PCDHGA9: variants seen among roughly 807,000 people sequenced by gnomAD.
PCDHGA9 encodes the protein protocadherin gamma subfamily A, 9, also known as protocadherin gamma-A9.
PCDHGA9 carries 37 observed loss-of-function variants against 62.5 expected under a neutral mutation model. The observed-to-expected ratio is 0.59, with a 90% CI of 0.46 to 0.78. The LOEUF is 0.78. Among genes scored for constraint, PCDHGA9 ranks in the 30% least tolerant of loss-of-function variants. The probability of loss-of-function intolerance (pLI) is 0.00; values close to 1 mark genes in which losing one functional copy is unlikely to be tolerated. For synonymous variants in PCDHGA9, 459 were observed against 484.6 expected (o/e 0.95, Z 0.69); for missense variants, 1,138 against 1,166.2 (o/e 0.98, Z 0.35).
At chr5:141,466,279 T>A (rs1386803685) in intron 1 of PCDHGA9, among the ~76,000 whole-genome samples, 1 of 152,144 alleles carries the variant, frequency 6.6e-6, no homozygotes, top group Non-Finnish European at 1.5e-5. Flanking sequence ...CAAGCAATCT[T>A]CCCACCTCAG....
chr5:141,433,222 A>G, intron 1 of PCDHGA9: 6 of 1,519,556 alleles, frequency 3.9e-6, no homozygotes, highest in Non-Finnish European at 5.4e-6. Flanking sequence ...TTTTTTTTTA[A>G]TTGCTCTGTC....
At chr5:141,408,438 C>G (rs749271632) in intron 1 of PCDHGA9, 8 of 1,613,896 alleles carry the variant, frequency 5.0e-6, no homozygotes, top group Non-Finnish European at 5.9e-6. Flanking sequence ...AGCGTAGACG[C>G]GGAGAGCGGG....
In PCDHGA9 at chr5:141,489,782, A is replaced by C. The variant is rs770399288; in HGVS notation, c.2425-5025A>C. On this transcript the variant is annotated intron_variant, in intron 1 of 3. Coordinates refer to ENST00000573521, the MANE Select transcript of PCDHGA9 (RefSeq NM_018921.3). The surrounding 1 kb of genome is among the most constrained non-coding windows in gnomAD (Gnocchi z 4.5). ...AGCCCCAACAGCCACTTCTCTCTGA[A>C]TGTGAAGACCCTAAAAGATGGGAAG... 2 of 1,614,078 alleles carry C rather than the reference A, an allele frequency of 1.2e-6. No homozygotes were observed. The highest frequency in any genetic ancestry group is 2.2e-5 in the East Asian group (1 of 44,894).
intron 1 of PCDHGA9, chr5:141,475,956 G>T (rs2099382674): frequency 2.5e-6 from 2 of 805,186 alleles, no homozygotes; most frequent in South Asian, 1.9e-5. Flanking sequence ...TCTGCGCCCC[G>T]GGATGAGGCA....
chr5:141,414,781 G>T, intron 1 of PCDHGA9: 2 of 1,614,230 alleles, frequency 1.2e-6, no homozygotes, highest in Non-Finnish European at 1.7e-6. Flanking sequence ...ACAGATGCAG[G>T]TGACAGCCAG....
At chr5:141,418,163 T>G in intron 1 of PCDHGA9, 1 of 1,614,002 alleles carries the variant, frequency 6.2e-7, no homozygotes, top group Non-Finnish European at 8.5e-7. Context: ...GAGAAGAAGA[T>G]GTGAGTTGCA....
intron 1 of PCDHGA9, among the ~76,000 whole-genome samples, chr5:141,463,721 C>T (rs1012411825): frequency 1.3e-5 from 2 of 152,046 alleles, no homozygotes; most frequent in Non-Finnish European, 2.9e-5. Flanking sequence ...GCTGGGATTA[C>T]AGGCATGAGC....
In PCDHGA9 at chr5:141,485,233, C is replaced by T; in HGVS notation, c.2425-9574C>T. 1.2e-6 allele frequency: 2 copies of T among 1,614,182 alleles called. No individual in the cohort carries two copies. The highest frequency in any genetic ancestry group is 1.7e-6 in the Non-Finnish European group (2 of 1,180,030). ...GGCGGTGGGCTACCCTTTTGTTCCTCTTTTACCACCTGGGTTACGTTTGTG... is the reference window on the plus strand; with the variant it reads ...GGCGGTGGGCTACCCTTTTGTTCCTTTTTTACCACCTGGGTTACGTTTGTG... On this transcript the variant is annotated intron_variant, in intron 1 of 3. Transcript: ENST00000573521. This position sits in a 1 kb window ranked among gnomAD's most constrained non-coding sequence, Gnocchi z 5.7.
chr5:141,458,054 T>G (rs2098935656), intron 1 of PCDHGA9, among the ~76,000 whole-genome samples: 1 of 152,252 alleles, frequency 6.6e-6, no homozygotes, highest in Admixed American at 6.5e-5. Context: ...GGATTCTTGC[T>G]GCACTGATGC....
At chr5:141,450,730 G>A (rs1046738914) in intron 1 of PCDHGA9, among the ~76,000 whole-genome samples, 10 of 152,024 alleles carry the variant, frequency 6.6e-5, no homozygotes, top group Non-Finnish European at 1.2e-4. Flanking sequence ...CAGGTGATCC[G>A]CCCGCCTTGG....
intron 1 of PCDHGA9, among the ~76,000 whole-genome samples, chr5:141,459,324 T>G (rs2098966238): frequency 6.6e-6 from 1 of 152,226 alleles, no homozygotes; most frequent in African/African-American, 2.4e-5. Flanking sequence ...ATCCATCTTC[T>G]TTTACTCCAA....
At chr5:141,470,469 A>T (rs1423801455) in intron 1 of PCDHGA9, among the ~76,000 whole-genome samples, 1 of 152,194 alleles carries the variant, frequency 6.6e-6, no homozygotes, top group Non-Finnish European at 1.5e-5. Context: ...ATTTTCTGAT[A>T]TTACTAACCC....
At chr5:141,448,415 T>C (rs1286455437) in intron 1 of PCDHGA9, among the ~76,000 whole-genome samples, 2 of 152,158 alleles carry the variant, frequency 1.3e-5, no homozygotes, top group African/African-American at 2.4e-5. Context: ...ATCAAAACAA[T>C]ATACTATGTA....
At chr5:141,455,837 AT>A (rs2098833014) in intron 1 of PCDHGA9, among the ~76,000 whole-genome samples, 2 of 151,422 alleles carry the variant, frequency 1.3e-5, no homozygotes, top group African/African-American at 4.8e-5. Context: ...TTTCCTGTCT[AT>A]CTGCATAAAA....
chr5:141,452,844 C>T (rs1239022315), intron 1 of PCDHGA9, among the ~76,000 whole-genome samples: 1 of 152,204 alleles, frequency 6.6e-6, no homozygotes, highest in Non-Finnish European at 1.5e-5. Context: ...CCAGCCCACA[C>T]TCTGGGGAGA....
chr5:141,461,732 A>G (rs945368729), intron 1 of PCDHGA9, among the ~76,000 whole-genome samples: 5 of 152,154 alleles, frequency 3.3e-5, no homozygotes, highest in Non-Finnish European at 5.9e-5. Context: ...GTGCAGTGGC[A>G]CAATCCCGGC....
chr5:141,433,547 C>G (rs2097621028), intron 1 of PCDHGA9, among the ~76,000 whole-genome samples: 1 of 152,086 alleles, frequency 6.6e-6, no homozygotes, highest in South Asian at 2.1e-4. Context: ...ATCAGATATT[C>G]TTTTCTGGCT....
intron 2 of PCDHGA9, among the ~76,000 whole-genome samples, chr5:141,496,352 G>A (rs2099768243): frequency 2.0e-5 from 3 of 152,200 alleles, no homozygotes; most frequent in South Asian, 2.1e-4. Context: ...GAGTCTCAGA[G>A]CCCAGGGAGA....
chr5:141,475,098 C>G (rs1252108172), intron 1 of PCDHGA9, among the ~76,000 whole-genome samples: 1 of 152,108 alleles, frequency 6.6e-6, no homozygotes, highest in East Asian at 1.9e-4. Flanking sequence ...TTATAAAGAT[C>G]CTAGGTGGTA....
Sources: allele counts gnomAD v4.1 joint callset (sites outside exome capture counted in the v4.1 genomes callset), GRCh38; gene constraint gnomAD v4.1.1; non-coding constraint Gnocchi (gnomAD v3.1); transcripts MANE v1.5; gene names NCBI Gene and HGNC (gene_info 2026-07-23, HGNC 2026-07-21).